AP1B1: variants seen among roughly 807,000 people sequenced by gnomAD.
AP1B1 encodes the protein adaptor related protein complex 1 subunit beta 1, also known as AP-1 complex subunit beta-1.
A neutral mutation model predicts 104.3 loss-of-function variants in AP1B1; 36 were observed. The observed-to-expected ratio is 0.35, with a 90% CI of 0.26 to 0.46. The LOEUF (loss-of-function observed/expected upper bound fraction) is 0.46, where lower values mean the gene tolerates loss of function less well. Among genes scored for constraint, AP1B1 ranks in the 20% least tolerant of loss-of-function variants. The probability of loss-of-function intolerance (pLI) is 1.00; values close to 1 mark genes in which losing one functional copy is unlikely to be tolerated. For missense variants in AP1B1, 901 were observed against 1,247.9 expected (o/e 0.72, Z 4.19); for synonymous variants, 504 against 517.5 (o/e 0.97, Z 0.35).
intron 17 of AP1B1, 163 bp from the exon 18 acceptor site, chr22:29,332,079 T>G: frequency 1.5e-6 from 1 of 657,198 alleles, no homozygotes; most frequent in East Asian, 3.0e-5. Flanking sequence ...GGGCTGTGGG[T>G]CCCCTCCCCC....
chr22:29,342,144 C>T (rs552424129), intron 12 of AP1B1, 141 bp downstream of exon 12: 320 of 701,776 alleles, frequency 4.6e-4, no homozygotes, highest in Admixed American at 7.1e-4. Context: ...GCTTGGGTAA[C>T]TCTGGGGCTG....
At chr22:29,350,405 T>A (rs191042948) in intron 9 of AP1B1, among the ~76,000 whole-genome samples, 17 of 152,294 alleles carry the variant, frequency 1.1e-4, no homozygotes, top group Admixed American at 7.8e-4. Context: ...AGGAGGGTCC[T>A]TGGAGCTCCT....
intron 3 of AP1B1, among the ~76,000 whole-genome samples, chr22:29,362,264 T>TA (rs1477636137): frequency 6.6e-6 from 1 of 152,218 alleles, no homozygotes; most frequent in African/African-American, 2.4e-5. Flanking sequence ...ACGTGTGTTT[T>TA]ACTTGCACCA....
chr22:29,370,469 A>C (rs908411340), intron 1 of AP1B1: 4 of 151,016 alleles, frequency 2.6e-5, no homozygotes, highest in African/African-American at 9.7e-5. Flanking sequence ...AAAAAAAAAA[A>C]GAAAGAAAGA....
chr22:29,343,724 C>G (rs116679100), intron 11 of AP1B1, among the ~76,000 whole-genome samples: 1 of 152,226 alleles, frequency 6.6e-6, no homozygotes, highest in African/African-American at 2.4e-5. Flanking sequence ...GACAGACCCT[C>G]GGCAAGTCAT....
At chr22:29,361,211 T>C (rs1471872296) in intron 3 of AP1B1, among the ~76,000 whole-genome samples, 1 of 152,232 alleles carries the variant, frequency 6.6e-6, no homozygotes, top group Non-Finnish European at 1.5e-5. Flanking sequence ...CCTGTTTCCT[T>C]TCTGCTCTGG....
rs146679517 is a variant in AP1B1 at position 29,366,338 on chromosome 22, C to T, written c.37+869G>A. On this transcript the variant is annotated intron_variant, in intron 2 of 22. Transcript: ENST00000357586. Reference sequence around the variant, plus strand: ...CATCAAATGAAAAACAGGATTAAAACGATGAAAATACATGCCTGACCGGCC... The same window carrying T: ...CATCAAATGAAAAACAGGATTAAAATGATGAAAATACATGCCTGACCGGCC... Among the ~76,000 whole-genome samples the T allele has an allele frequency of 4.6e-5, 7 of 152,250 alleles. No homozygotes were observed. The East Asian group carries it at 1.3e-3, about 29-fold the overall frequency.
chr22:29,351,482 C>T, intron 8 of AP1B1: 1 of 836,288 alleles, frequency 1.2e-6, no homozygotes, highest in Non-Finnish European at 1.9e-6. Context: ...ATATCCAACA[C>T]CACGTTGTAA....
intron 7 of AP1B1, among the ~76,000 whole-genome samples, chr22:29,354,087 G>A (rs542593352): frequency 1.3e-5 from 2 of 152,338 alleles, no homozygotes; most frequent in Admixed American, 1.3e-4. Flanking sequence ...TGGGAGGGAA[G>A]TGGGCGGCAC....
At chr22:29,382,603 G>A (rs926020865) in intron 1 of AP1B1, among the ~76,000 whole-genome samples, 1 of 152,138 alleles carries the variant, frequency 6.6e-6, no homozygotes, top group East Asian at 1.9e-4. Context: ...AAAGAGGAGG[G>A]AAGGAGGATA....
At chr22:29,371,825 G>A (rs1039036894) in intron 1 of AP1B1, among the ~76,000 whole-genome samples, 16 of 152,126 alleles carry the variant, frequency 1.1e-4, no homozygotes, top group Admixed American at 6.6e-4. Flanking sequence ...GGTTAATTAC[G>A]GGGAATTTTT....
chr22:29,336,284 A>T (rs1352551133), intron 16 of AP1B1, among the ~76,000 whole-genome samples: 4 of 152,212 alleles, frequency 2.6e-5, no homozygotes, highest in African/African-American at 9.7e-5. Flanking sequence ...GAAGATGTGG[A>T]TACCTACTGA....
chr22:29,359,231 C>T (rs1326471211), intron 4 of AP1B1, among the ~76,000 whole-genome samples: 1 of 152,190 alleles, frequency 6.6e-6, no homozygotes, highest in Non-Finnish European at 1.5e-5. Flanking sequence ...GAAACTGAGG[C>T]TCTCAGAAAG....
chr22:29,363,598 A>G (rs2062085324), intron 2 of AP1B1, among the ~76,000 whole-genome samples: 1 of 151,884 alleles, frequency 6.6e-6, no homozygotes, highest in South Asian at 2.1e-4. Flanking sequence ...CAGTGAGGCA[A>G]GATGGCGCCA....
At chr22:29,364,033 G>A (rs1281799312) in intron 2 of AP1B1, among the ~76,000 whole-genome samples, 1 of 152,208 alleles carries the variant, frequency 6.6e-6, no homozygotes, top group Non-Finnish European at 1.5e-5. Context: ...CCCAGTGGAA[G>A]GCAAAGCTGT....
chr22:29,382,200 T>C (rs1016526398), intron 1 of AP1B1, among the ~76,000 whole-genome samples: 5 of 152,010 alleles, frequency 3.3e-5, no homozygotes, highest in African/African-American at 1.2e-4. Context: ...ACTACAGGCG[T>C]GTGCCATGCC....
chr22:29,345,874 G>A (rs909472188), intron 11 of AP1B1, among the ~76,000 whole-genome samples: 5 of 152,042 alleles, frequency 3.3e-5, no homozygotes, highest in Admixed American at 1.3e-4. Context: ...TAGTAGAGAC[G>A]GGGTTTCATT....
intron 10 of AP1B1, 120 bp downstream of exon 10, chr22:29,349,915 T>A: frequency 1.2e-6 from 1 of 826,774 alleles, no homozygotes; most frequent in Non-Finnish European, 2.0e-6. Flanking sequence ...GGGTTTCTTT[T>A]GAGAATGACG....
intron 11 of AP1B1, among the ~76,000 whole-genome samples, chr22:29,346,808 G>A (rs934367721): frequency 6.6e-6 from 1 of 151,956 alleles, no homozygotes; most frequent in Non-Finnish European, 1.5e-5. Flanking sequence ...GGGGGGTGAC[G>A]GTGGGAATTA....
Sources: allele counts gnomAD v4.1 joint callset (sites outside exome capture counted in the v4.1 genomes callset), GRCh38; gene constraint gnomAD v4.1.1; transcripts MANE v1.5; gene names NCBI Gene and HGNC (gene_info 2026-07-23, HGNC 2026-07-21).